The following ADAM12 variants were observed in gnomAD, a reference collection of about 807,000 sequenced individuals.
ADAM12 encodes ADAM metallopeptidase domain 12, also known as disintegrin and metalloproteinase domain-containing protein 12.
In ADAM12, 70 loss-of-function variants were observed where a neutral mutation model predicts 106.4. The ratio of observed to expected loss-of-function variants is 0.66; its 90% CI spans 0.54 to 0.80. ADAM12 has a LOEUF of 0.80. ADAM12 is among the 30% of genes least tolerant of loss of function. The probability of loss-of-function intolerance (pLI) is 0.00; values close to 1 mark genes in which losing one functional copy is unlikely to be tolerated. For missense variants in ADAM12, 1,010 were observed against 1,171.9 expected (o/e 0.86, Z 2.02); for synonymous variants, 420 against 433.5 (o/e 0.97, Z 0.39).
intron 8 of ADAM12, among the ~76,000 whole-genome samples, chr10:126,105,156 C>T (rs921260451): frequency 4.6e-5 from 7 of 152,168 alleles, no homozygotes; most frequent in African/African-American, 1.4e-4. Flanking sequence ...CCACGGAGTC[C>T]GTTAGGACTT....
chr10:126,031,702 G>A (rs1014933692), intron 21 of ADAM12, among the ~76,000 whole-genome samples: 4 of 152,124 alleles, frequency 2.6e-5, no homozygotes, highest in African/African-American at 9.7e-5. Context: ...AGACTGGTGA[G>A]TCTTGTGTTA....
chr10:126,225,568 G>A (rs1590645097), intron 3 of ADAM12, among the ~76,000 whole-genome samples: 2 of 152,156 alleles, frequency 1.3e-5, no homozygotes, highest in South Asian at 4.1e-4. Flanking sequence ...GTGTGCGTGT[G>A]TTCATGCTTC....
chr10:126,195,885 G>T (rs985382400), intron 3 of ADAM12, among the ~76,000 whole-genome samples: 5 of 152,184 alleles, frequency 3.3e-5, no homozygotes, highest in African/African-American at 1.2e-4. Flanking sequence ...TGGAAATAAG[G>T]TGAAAAGCTC....
intron 3 of ADAM12, among the ~76,000 whole-genome samples, chr10:126,244,373 G>C (rs1958589358): frequency 6.6e-6 from 1 of 152,198 alleles, no homozygotes; most frequent in African/African-American, 2.4e-5. Context: ...TGGAAGAGAG[G>C]AGAAGGTACA....
intron 3 of ADAM12, among the ~76,000 whole-genome samples, chr10:126,243,530 G>T (rs1451577758): frequency 7.8e-6 from 1 of 128,218 alleles, no homozygotes; most frequent in South Asian, 2.6e-4. Flanking sequence ...GGTCATTCAG[G>T]ACAAGTTAAA....
chr10:126,317,114 G>A (rs989675079), intron 2 of ADAM12, among the ~76,000 whole-genome samples: 1 of 152,134 alleles, frequency 6.6e-6, no homozygotes, highest in Admixed American at 6.5e-5. Flanking sequence ...ACATCACCGC[G>A]AGTCCATCAA....
rs1296650767 is a variant in ADAM12, at chr10:126,046,151, A to G, written c.1918-19T>C. 1 of 1,604,492 alleles carries G rather than the reference A, an allele frequency of 6.2e-7. No individual in the cohort carries two copies. The highest frequency in any genetic ancestry group is 1.1e-5 in the South Asian group (1 of 90,846). On this transcript the variant is annotated intron_variant, in intron 16 of 22. Transcript: ENST00000448723. ...GGCAGATCTGTAGGAGGAGGAAAAC[A>G]CAGCAAATCTCTTAGTATTTCTCCA...
At chr10:126,369,839 G>C (rs1590835063) in intron 1 of ADAM12, among the ~76,000 whole-genome samples, 1 of 152,042 alleles carries the variant, frequency 6.6e-6, no homozygotes, top group Non-Finnish European at 1.5e-5. Context: ...ACCCTGGTAG[G>C]GTTAGAATTA....
chr10:126,360,248 G>A (rs544004238), intron 1 of ADAM12, among the ~76,000 whole-genome samples: 2 of 152,308 alleles, frequency 1.3e-5, no homozygotes, highest in South Asian at 2.1e-4. Context: ...TTTCCCCATT[G>A]TCTTGGGATT....
At chr10:126,072,000 G>A (rs1004156146) in intron 11 of ADAM12, among the ~76,000 whole-genome samples, 4 of 152,176 alleles carry the variant, frequency 2.6e-5, no homozygotes, top group Admixed American at 6.5e-5. Flanking sequence ...AAGTGAATTC[G>A]TAGGGACTGT....
intron 3 of ADAM12, among the ~76,000 whole-genome samples, chr10:126,226,190 GGGGGGA>G (rs1958191888): frequency 6.6e-6 from 1 of 151,452 alleles, no homozygotes; most frequent in Non-Finnish European, 1.5e-5. Flanking sequence ...AGGTGGTGGT[GGGGGGA>G]GGGGGCGGGG....
intron 9 of ADAM12, among the ~76,000 whole-genome samples, chr10:126,100,849 G>A (rs1167669825): frequency 2.0e-5 from 3 of 152,208 alleles, no homozygotes; most frequent in East Asian, 1.9e-4. Context: ...GAGTTCTGTA[G>A]AGGGACAGGT....
At chr10:126,087,048 AT>A (rs779857754) in intron 11 of ADAM12, among the ~76,000 whole-genome samples, 1 of 151,946 alleles carries the variant, frequency 6.6e-6, no homozygotes, top group Non-Finnish European at 1.5e-5. Flanking sequence ...ATTAAATTAA[AT>A]TTAAAAAGTT....
chr10:126,143,808 C>T (rs1003736062), intron 4 of ADAM12, among the ~76,000 whole-genome samples: 1 of 151,958 alleles, frequency 6.6e-6, no homozygotes, highest in Non-Finnish European at 1.5e-5. Context: ...TGTTGCCAGC[C>T]TGCATTTCAG....
chr10:126,277,181 T>C (rs1959297130), intron 3 of ADAM12, among the ~76,000 whole-genome samples: 1 of 152,330 alleles, frequency 6.6e-6, no homozygotes, highest in South Asian at 2.1e-4. Flanking sequence ...AAAAGTACTT[T>C]TTAAAAAATG....
chr10:126,143,623 G>GT (rs1956568111), intron 4 of ADAM12, among the ~76,000 whole-genome samples: 1 of 134,374 alleles, frequency 7.4e-6, no homozygotes, highest in Non-Finnish European at 1.7e-5. Context: ...GGGGGTGCGT[G>GT]GGTGTGTGTA....
chr10:126,315,910 C>T (rs996095272), intron 2 of ADAM12, among the ~76,000 whole-genome samples: 12 of 152,294 alleles, frequency 7.9e-5, no homozygotes, highest in African/African-American at 2.4e-4. Context: ...CCCAGCGATC[C>T]GATGCATTCC....
intron 3 of ADAM12, among the ~76,000 whole-genome samples, chr10:126,180,634 AAGC>A (rs534886208): frequency 3.5e-4 from 54 of 152,332 alleles, no homozygotes; most frequent in African/African-American, 1.3e-3. Context: ...ATTTAAAACC[AAGC>A]AGCAGAAGTG....
rs745360204 is a variant in ADAM12, at chr10:126,043,194, G to A, written c.1996-46C>T. On this transcript the variant is annotated intron_variant, in intron 17 of 22. Transcript: ENST00000448723. This position sits in a 1 kb window ranked among gnomAD's most constrained non-coding sequence, Gnocchi z 4.1. ...GACGTGGGGTTAGGGCATATGCTCT[G>A]TGCATCACCACAGCAGAAGCAAGGG... 1.9e-6 allele frequency: 3 copies of A among 1,564,468 alleles called. No individual in the cohort carries two copies. Among genetic ancestry groups the A allele is most frequent in the South Asian group, 2.3e-5 (2 of 88,350 alleles).
Sources: gnomAD v4.1 joint callset for allele counts (sites outside exome capture counted in the v4.1 genomes callset) on GRCh38, gnomAD v4.1.1 for gene constraint, Gnocchi (gnomAD v3.1) non-coding constraint, MANE v1.5 for transcripts, NCBI Gene and HGNC (gene_info 2026-07-23, HGNC 2026-07-21) for gene names.